SH3GL1: variants seen among roughly 807,000 people sequenced by gnomAD.
SH3GL1 encodes the protein endophilin-A2.
SH3GL1 carries 21 observed loss-of-function variants against 48.8 expected under a neutral mutation model. The ratio of observed to expected loss-of-function variants is 0.43; its 90% CI spans 0.30 to 0.62. The LOEUF is 0.62. Ranked by LOEUF, SH3GL1 falls within the 20% of genes least tolerant of loss-of-function variation. The probability of loss-of-function intolerance (pLI) is 0.11; values close to 1 mark genes in which losing one functional copy is unlikely to be tolerated. For missense variants in SH3GL1, 454 were observed against 503.0 expected (o/e 0.90, Z 0.93); for synonymous variants, 282 against 217.5 (o/e 1.30, Z -2.61).
chr19:4,364,156 T>C lies in SH3GL1; in HGVS notation c.397A>G (p.Ile133Val), dbSNP rs1317750728. 1.9e-6 allele frequency: 3 copies of C among 1,613,980 alleles called. No individual in the cohort carries two copies. The highest frequency in any genetic ancestry group is 3.3e-5 in the Admixed American group (2 of 60,022). The change falls in exon 5 of 10, where the codon ATC becomes GTC. Residue 133 changes from isoleucine (I) to valine (V), a missense_variant. Ile to Val is a conservative substitution (Grantham distance 29). Coordinates refer to ENST00000269886, the MANE Select transcript of SH3GL1 (RefSeq NM_003025.4). The stretch of plus-strand genomic sequence containing the variant: ...TCAATGAAGTTCTGCTTGACCTCGA[T>C]GTCCAGGGAGTCCTTCACCTCTGCC... ...RLAEVKDSLDIEVKQNFIDPL... is the reference protein window; with the variant it reads ...RLAEVKDSLDVEVKQNFIDPL...
At chr19:4,365,654 G>A in intron 3 of SH3GL1, 29 bp from the exon 4 acceptor site, 2 of 1,612,420 alleles carry the variant, frequency 1.2e-6, no homozygotes, top group South Asian at 1.1e-5. Context: ...GTGGGTGTGG[G>A]CTGTGAGGCC....
intron 1 of SH3GL1, among the ~76,000 whole-genome samples, chr19:4,374,031 T>A (rs1040193523): frequency 1.3e-5 from 2 of 152,204 alleles, no homozygotes; most frequent in African/African-American, 4.8e-5. Flanking sequence ...ACTCTCAGAT[T>A]GGCAGAGAGC....
At chr19:4,396,185 T>A (rs1599624722) in intron 1 of SH3GL1, among the ~76,000 whole-genome samples, 1 of 151,762 alleles carries the variant, frequency 6.6e-6, no homozygotes, top group Non-Finnish European at 1.5e-5. Flanking sequence ...TCACCCGAGG[T>A]CAAGAGTTCG....
intron 1 of SH3GL1, among the ~76,000 whole-genome samples, chr19:4,369,381 G>A (rs1403586810): frequency 1.3e-5 from 2 of 152,246 alleles, no homozygotes; most frequent in Non-Finnish European, 2.9e-5. Context: ...AAGCCGGGAG[G>A]AGAACTGAAG....
chr19:4,366,592 T>C lies in SH3GL1; in HGVS notation c.115-19A>G. On this transcript the variant is annotated intron_variant, in intron 2 of 9. Transcript: ENST00000269886. ...CCACCTTCTGTGAAGAGAAGCAGCA[T>C]ATAAGACTCCACAGCCAGTGGGGGC... 6.2e-7 allele frequency: 1 copy of C among 1,608,230 alleles called. No homozygotes were observed. Among genetic ancestry groups the C allele is most frequent in the Non-Finnish European group, 8.5e-7 (1 of 1,177,348 alleles).
rs141041205 is a variant in SH3GL1, at chr19:4,390,041, C to G, written c.45+10283G>C. 3.9e-5 allele frequency: 6 copies of G among 152,472 alleles called. No homozygotes were observed. In the East Asian group the frequency reaches 1.2e-3, roughly 29 times the overall value. The allele number at this position is 152,472 out of a possible 1,614,324, so 9.4% of individuals were successfully genotyped here. A position where few individuals can be genotyped will look rare whatever the true frequency, so the allele number is the denominator to read the frequency against. On this transcript the variant is annotated intron_variant, in intron 1 of 9. Transcript: ENST00000269886. ...GCGGCATGACCCCTGCTGGGTGCTT[C>G]GTCCCCTTACCCAGGTGTGGAACTG...
intron 1 of SH3GL1, among the ~76,000 whole-genome samples, chr19:4,381,837 C>T (rs1416236435): frequency 1.3e-5 from 2 of 151,142 alleles, no homozygotes; most frequent in Non-Finnish European, 2.9e-5. Context: ...GGACTACAGG[C>T]ACCCGCCGCC....
In SH3GL1 at chr19:4,363,933, G is replaced by A. The variant is rs369299828; in HGVS notation, c.466-55C>T. 572 of 1,609,510 alleles carry A rather than the reference G, an allele frequency of 3.6e-4. 4 individuals carry two copies. In the South Asian group the frequency reaches 5.8e-3, roughly 16 times the overall value. ...AGTAGCGGCCAGAGGGCCGCCCCAC[G>A]CATGGCTTTGACCCACTGTCCCTGC... On this transcript the variant is annotated intron_variant, in intron 5 of 9. Coordinates refer to ENST00000269886, the MANE Select transcript of SH3GL1 (RefSeq NM_003025.4).
rs1258470189 is a variant in SH3GL1, at chr19:4,400,135, G to A, written c.45+189C>T. On this transcript the variant is annotated intron_variant, in intron 1 of 9. Coordinates refer to ENST00000269886, the MANE Select transcript of SH3GL1 (RefSeq NM_003025.4). The surrounding 1 kb of genome is among the most constrained non-coding windows in gnomAD (Gnocchi z 4.1). ...GGCTCTGTCCCCGCTTCTGGAGCCCGCATGGCGGGCAGGGCCTGGGCCACC... is the reference window on the plus strand; with the variant it reads ...GGCTCTGTCCCCGCTTCTGGAGCCCACATGGCGGGCAGGGCCTGGGCCACC... Among the ~76,000 whole-genome samples the A allele has an allele frequency of 6.6e-6, 1 of 152,168 alleles. No individual in the cohort carries two copies. Among genetic ancestry groups the A allele is most frequent in the Admixed American group, 6.5e-5 (1 of 15,288 alleles).
chr19:4,378,607 T>G (rs554629662), intron 1 of SH3GL1, among the ~76,000 whole-genome samples: 89 of 152,054 alleles, frequency 5.9e-4, no homozygotes, highest in African/African-American at 2.1e-3. Flanking sequence ...CCCAGCTACT[T>G]GGGAGGCTGA....
intron 1 of SH3GL1, among the ~76,000 whole-genome samples, chr19:4,397,471 G>A (rs926358075): frequency 6.6e-6 from 1 of 152,248 alleles, no homozygotes; most frequent in Non-Finnish European, 1.5e-5. Flanking sequence ...TCTAAAGAGG[G>A]TGTCAGCTCA....
chr19:4,380,774 T>G (rs76273354), intron 1 of SH3GL1, among the ~76,000 whole-genome samples: 4 of 152,100 alleles, frequency 2.6e-5, no homozygotes, highest in Non-Finnish European at 5.9e-5. Context: ...AAATCCAAGT[T>G]AAGTAACGGG....
rs1462133913 is a variant in SH3GL1, at chr19:4,361,612, G to A, written c.1095C>T (p.Pro365=). Reference sequence around the variant, plus strand: ...GGACACGGGTGAGTCACTGCGGCAGGGGCACAAGCACCTCCACGTAGCTGA... The same window carrying A: ...GGACACGGGTGAGTCACTGCGGCAGAGGCACAAGCACCTCCACGTAGCTGA... The part of the protein sequence containing the change: ...FPLSYVEVLV[P]LPQ The change falls in exon 10 of 10, where the codon CCC becomes CCT. Residue 365 remains proline (P), a synonymous_variant. Coordinates refer to ENST00000269886, the MANE Select transcript of SH3GL1 (RefSeq NM_003025.4). 1.3e-6 allele frequency: 2 copies of A among 1,599,828 alleles called. No homozygotes were observed. The highest frequency in any genetic ancestry group is 1.7e-6 in the Non-Finnish European group (2 of 1,176,500).
At chr19:4,383,578 C>T (rs1218128734) in intron 1 of SH3GL1, among the ~76,000 whole-genome samples, 4 of 152,090 alleles carry the variant, frequency 2.6e-5, no homozygotes, top group Admixed American at 2.6e-4. Flanking sequence ...TTCACCCACA[C>T]TGAACTCATG....
intron 1 of SH3GL1, among the ~76,000 whole-genome samples, chr19:4,385,055 G>A (rs1404261595): frequency 1.4e-5 from 2 of 148,072 alleles, no homozygotes; most frequent in African/African-American, 5.0e-5. Flanking sequence ...AGTGAGCTGA[G>A]ATTGCGCCAT....
intron 1 of SH3GL1, among the ~76,000 whole-genome samples, chr19:4,372,276 C>G (rs571253439): frequency 1.3e-5 from 2 of 152,336 alleles, no homozygotes; most frequent in East Asian, 3.9e-4. Context: ...TGTGCCAGCC[C>G]CCATGCTAGG....
In SH3GL1 at chr19:4,363,395, C is replaced by T. The variant is rs1460227872; in HGVS notation, c.703G>A (p.Glu235Lys). The change falls in exon 7 of 10, where the codon GAG (glutamate) becomes AAG (lysine). Residue 235 changes from glutamate (E) to lysine (K), a missense_variant. Around this residue, in one of 2 missense-constraint regions of SH3GL1, gnomAD observed 278 missense variants for 246.8 expected, o/e 1.13. Coordinates refer to ENST00000269886, the MANE Select transcript of SH3GL1 (RefSeq NM_003025.4). The stretch of plus-strand genomic sequence containing the variant: ...CTGCGCTTGAGCTTCTCCGCCAGCT[C>T]GTCCAGGATCTGCACGGCCTGCCGG... The part of the protein sequence containing the change: ...YHRQAVQILD[E>K]LAEKLKRRMR... The T allele has an allele frequency of 6.8e-6, 11 of 1,609,484 alleles. No homozygotes were observed. The highest frequency in any genetic ancestry group is 4.5e-5 in the East Asian group (2 of 44,636).
Position 4,363,474 on chromosome 19 carries a change from C to T in SH3GL1, c.625-1G>A. ...CCGAGAGCTGACTCACCTGCTCGATCTGTGGGGACAGTAGGGCTCAGGGGC... is the reference window on the plus strand; with the variant it reads ...CCGAGAGCTGACTCACCTGCTCGATTTGTGGGGACAGTAGGGCTCAGGGGC... On this transcript the variant is annotated splice_acceptor_variant, in intron 6 of 9. Transcript: ENST00000269886. LOFTEE classifies it high-confidence loss of function. The T allele has an allele frequency of 1.9e-6, 3 of 1,611,296 alleles. No homozygotes were observed. Among genetic ancestry groups the T allele is most frequent in the Non-Finnish European group, 2.5e-6 (3 of 1,178,900 alleles).
At position 4,382,864 on chromosome 19, in the gene SH3GL1, A is replaced by G. The variant is rs537250642; in HGVS notation, c.46-15870T>C. On this transcript the variant is annotated intron_variant, in intron 1 of 9. Coordinates refer to ENST00000269886, the MANE Select transcript of SH3GL1 (RefSeq NM_003025.4). ...GGAAACACACAGCTAGGTTTCTGTGAGCCTCTGCTCACAACATGTTCATCA... is the reference window on the plus strand; with the variant it reads ...GGAAACACACAGCTAGGTTTCTGTGGGCCTCTGCTCACAACATGTTCATCA... Among the ~76,000 whole-genome samples the G allele has an allele frequency of 7.9e-4, 121 of 152,304 alleles. 1 individual carries two copies. Among genetic ancestry groups the G allele is most frequent in the African/African-American group, 2.8e-3 (118 of 41,566 alleles).
Sources: gnomAD v4.1 joint callset for allele counts (sites outside exome capture counted in the v4.1 genomes callset) on GRCh38, gnomAD v4.1.1 for gene constraint, gnomAD v4.1.1 regional missense constraint, Gnocchi (gnomAD v3.1) non-coding constraint, MANE v1.5 for transcripts, NCBI Gene and HGNC (gene_info 2026-07-23, HGNC 2026-07-21) for gene names.